Variants in TJP2 observed in about 807,000 individuals in gnomAD.
TJP2 encodes the protein Friedreich ataxia region gene X104 (tight junction protein ZO-2).
Under a neutral mutation model 133.1 loss-of-function variants are expected in TJP2, and 91 were observed. The observed-to-expected ratio is 0.68, with a 90% CI of 0.58 to 0.81. The LOEUF (loss-of-function observed/expected upper bound fraction) is 0.81, where lower values mean the gene tolerates loss of function less well. Ranked by LOEUF, TJP2 falls within the 40% of genes least tolerant of loss-of-function variation. The probability of loss-of-function intolerance (pLI) is 0.00; values close to 1 mark genes in which losing one functional copy is unlikely to be tolerated. For missense variants in TJP2, 1,541 were observed against 1,565.6 expected (o/e 0.98, Z 0.26); for synonymous variants, 592 against 583.4 (o/e 1.01, Z -0.21).
chr9:69,228,901 G>C (rs1227218598), intron 9 of TJP2, among the ~76,000 whole-genome samples: 1 of 152,100 alleles, frequency 6.6e-6, no homozygotes, highest in African/African-American at 2.4e-5. Flanking sequence ...AGGGGAAACA[G>C]TATCATTATT....
intron 3 of TJP2, 117 bp downstream of exon 3, chr9:69,216,580 A>G: frequency 3.5e-6 from 4 of 1,153,754 alleles, no homozygotes; most frequent in Non-Finnish European, 4.8e-6. Flanking sequence ...AAACTTTTAT[A>G]TAATATTTGA....
chr9:69,223,488 A>AAGTAGAGACGGGGTTATTTTTT (rs1190269271), intron 5 of TJP2, among the ~76,000 whole-genome samples: 6 of 151,906 alleles, frequency 3.9e-5, no homozygotes, highest in Non-Finnish European at 8.8e-5. Context: ...TTTGTGTTTT[A>AAGTAGAGACGGGGTTATTTTTT]AGTAGAGACG....
chr9:69,244,751 A>C (rs979914240), intron 17 of TJP2, among the ~76,000 whole-genome samples: 4 of 152,232 alleles, frequency 2.6e-5, no homozygotes, highest in Non-Finnish European at 5.9e-5. Context: ...CATGAGTTGG[A>C]TGTTACTTTT....
rs372333417 is a variant in TJP2 at position 69,225,323 on chromosome 9, G to T, written c.972G>T (p.Gly324=). ...RANEEYGLRL[G]SQIFVKEMTR... ...TCCTAGAGTATGGTCTCCGGCTTGG[G>T]AGTCAGATCTTCGTAAAGGAAATGA... Residue 324 remains glycine (G), a synonymous_variant, in exon 6 of 23, where the codon GGG becomes GGT. Coordinates refer to ENST00000377245, the MANE Select transcript of TJP2 (RefSeq NM_004817.4). 3.7e-6 allele frequency: 6 copies of T among 1,613,372 alleles called. No individual in the cohort carries two copies. In the African/African-American group the frequency reaches 6.7e-5, roughly 18 times the overall value.
In TJP2 at chr9:69,248,162, C is replaced by T; in HGVS notation, c.2818C>T (p.Pro940Ser). 1 of 1,613,318 alleles carries T rather than the reference C, an allele frequency of 6.2e-7. No homozygotes were observed. Among genetic ancestry groups the T allele is most frequent in the Non-Finnish European group, 8.5e-7 (1 of 1,179,808 alleles). Reference protein sequence around the residue: ...GAYTDNELDEPAEEPLVSSIT... With the variant: ...GAYTDNELDESAEEPLVSSIT... ...CTACACTGACAATGAGCTGGATGAG[C>T]CAGCCGAGGAGCCGCTGGTGTCGTC... The change falls in exon 19 of 23, where the codon CCA becomes TCA. Residue 940 changes from proline (P) to serine (S), a missense_variant. Coordinates refer to ENST00000377245, the MANE Select transcript of TJP2 (RefSeq NM_004817.4).
chr9:69,225,121 T>C (rs1171115649), intron 5 of TJP2, among the ~76,000 whole-genome samples, 183 bp from the exon 6 acceptor site: 2 of 152,214 alleles, frequency 1.3e-5, no homozygotes, highest in Non-Finnish European at 2.9e-5. Context: ...TGGAACAGTT[T>C]CTCTACCTTT....
chr9:69,222,717 C>G (rs1169609669), intron 5 of TJP2, among the ~76,000 whole-genome samples: 1 of 152,126 alleles, frequency 6.6e-6, no homozygotes, highest in Non-Finnish European at 1.5e-5. Flanking sequence ...AGTGCATCAC[C>G]TGGGCACCCC....
intron 1 of TJP2, chr9:69,145,762 A>G: frequency 8.1e-7 from 1 of 1,232,110 alleles, no homozygotes; most frequent in Non-Finnish European, 1.0e-6. Flanking sequence ...ACCCCACTTA[A>G]CAAAAGAGAA....
chr9:69,176,975 G>T (rs989451107), intron 1 of TJP2, among the ~76,000 whole-genome samples: 1 of 152,076 alleles, frequency 6.6e-6, no homozygotes, highest in Non-Finnish European at 1.5e-5. Context: ...TGTGGTGGGG[G>T]CGGGGTGAAG....
At chr9:69,177,558 G>T (rs557649691) in intron 1 of TJP2, among the ~76,000 whole-genome samples, 1 of 152,066 alleles carries the variant, frequency 6.6e-6, no homozygotes, top group Non-Finnish European at 1.5e-5. Context: ...TTTTGAAAAG[G>T]CTGTGTGATA....
Position 69,219,211 on chromosome 9 carries a change from C to T in TJP2, c.342+852C>T, listed in dbSNP as rs559166925. 7.2e-5 allele frequency among the ~76,000 whole-genome samples: 11 copies of T among 152,266 alleles called. No homozygotes were observed. In the East Asian group the frequency reaches 9.6e-4, roughly 13 times the overall value. ...CCCGAACTCCCAACTTCAGGTGATCCGCCAGCCTTGGCCTCCCAAAGTGCT... is the reference window on the plus strand; with the variant it reads ...CCCGAACTCCCAACTTCAGGTGATCTGCCAGCCTTGGCCTCCCAAAGTGCT... On this transcript the variant is annotated intron_variant, in intron 4 of 22. Coordinates refer to ENST00000377245, the MANE Select transcript of TJP2 (RefSeq NM_004817.4).
intron 2 of TJP2, among the ~76,000 whole-genome samples, chr9:69,161,020 G>A (rs1030501078): frequency 6.7e-6 from 1 of 149,434 alleles, no homozygotes; most frequent in African/African-American, 2.5e-5. Flanking sequence ...ATACAAATGG[G>A]GTGAGAGATC....
chr9:69,218,217 T>C, intron 3 of TJP2, 40 bp from the exon 4 acceptor site: 1 of 1,421,928 alleles, frequency 7.0e-7, no homozygotes, highest in Non-Finnish European at 1.0e-6. Flanking sequence ...AATGAATAGA[T>C]GGGAGTTTTT....
chr9:69,230,152 G>A lies in TJP2; in HGVS notation c.1591G>A (p.Val531Ile), dbSNP rs1358553017. 1.2e-6 allele frequency: 2 copies of A among 1,614,222 alleles called. No homozygotes were observed. The change falls in exon 11 of 23, where the codon GTC (valine) becomes ATC (isoleucine). Residue 531 changes from valine (V) to isoleucine (I), a missense_variant. Val to Ile is a conservative substitution (Grantham distance 29, BLOSUM62 3). Transcript: ENST00000377245. Reference sequence around the variant, plus strand: ...CCTCCGGTTGGCTGGTGGCAATGATGTCGGGATATTTGTTGCTGGCATTCA... The same window carrying A: ...CCTCCGGTTGGCTGGTGGCAATGATATCGGGATATTTGTTGCTGGCATTCA... ...VGLRLAGGND[V>I]GIFVAGIQEG...
At position 69,248,672 on chromosome 9, in the gene TJP2, T is replaced by G. The variant is rs1219078886; in HGVS notation, c.2880+448T>G. 5 of 1,031,106 alleles carry G rather than the reference T, an allele frequency of 4.8e-6. No homozygotes were observed. The African/African-American group carries it at 8.5e-5, about 17-fold the overall frequency. The allele number at this position is 1,031,106 out of a possible 1,614,324, so 63.9% of individuals were successfully genotyped here. A position where few individuals can be genotyped will look rare whatever the true frequency, so the allele number is the denominator to read the frequency against. On this transcript the variant is annotated intron_variant, in intron 19 of 22. Transcript: ENST00000377245. ...CTTGAGTGTTTCCCCATCAGTTTCC[T>G]TCTCTCTTATATTTCAGTTTTTTAA...
intron 1 of TJP2, among the ~76,000 whole-genome samples, chr9:69,135,675 G>A (rs990037755): frequency 9.9e-5 from 15 of 151,184 alleles, no homozygotes; most frequent in African/African-American, 3.4e-4. Context: ...GCGTGATCTC[G>A]GCTCACTGCA....
At chr9:69,132,346 C>A (rs2133242316) in intron 1 of TJP2, among the ~76,000 whole-genome samples, 1 of 152,340 alleles carries the variant, frequency 6.6e-6, no homozygotes, top group Non-Finnish European at 1.5e-5. Flanking sequence ...GTAAGTGGGT[C>A]TTTCAAAGGA....
Position 69,149,244 on chromosome 9 carries a change from A to G in TJP2, c.-130-2407A>G, listed in dbSNP as rs149296851. 3.5e-4 allele frequency among the ~76,000 whole-genome samples: 54 copies of G among 152,372 alleles called. 2 individuals carry two copies. The highest frequency in any genetic ancestry group is 3.4e-3 in the Middle Eastern group (1 of 294). ...AGAAATGCAGAAAACTCCTTAAATTAAAAAGCAAGCCATTTTAATAAAAGA... is the reference window on the plus strand; with the variant it reads ...AGAAATGCAGAAAACTCCTTAAATTGAAAAGCAAGCCATTTTAATAAAAGA... On this transcript the variant is annotated intron_variant, in intron 1 of 5. Transcript: ENST00000423935.
upstream of TJP2, among the ~76,000 whole-genome samples, chr9:69,172,618 T>A (rs559444216): frequency 1.0e-3 from 159 of 152,274 alleles, no homozygotes; most frequent in Non-Finnish European, 1.8e-3. Context: ...ATTTTTTAAA[T>A]GTTAGTGGCT....
Sources: gnomAD v4.1 joint callset for allele counts (sites outside exome capture counted in the v4.1 genomes callset) on GRCh38, gnomAD v4.1.1 for gene constraint, MANE v1.5 for transcripts, NCBI Gene and HGNC (gene_info 2026-07-23, HGNC 2026-07-21) for gene names.